The following SNTG1 variants were observed in gnomAD, a reference collection of about 807,000 sequenced individuals.
The protein encoded by SNTG1 is syntrophin gamma 1.
Under a neutral mutation model 74.7 loss-of-function variants are expected in SNTG1, and 39 were observed. That is an observed-to-expected ratio of 0.52 (90% CI 0.40 to 0.68). The LOEUF (loss-of-function observed/expected upper bound fraction) is 0.68. Ranked by LOEUF, SNTG1 falls within the 30% of genes least tolerant of loss-of-function variation. The pLI is 0.00. For missense variants in SNTG1, 685 were observed against 609.5 expected (o/e 1.12, Z -1.30); for synonymous variants, 254 against 217.1 (o/e 1.17, Z -1.49).
intron 5 of SNTG1, among the ~76,000 whole-genome samples, chr8:50,442,680 TAAAAAAAAAAA>T (rs5891365): frequency 3.7e-5 from 3 of 81,196 alleles, no homozygotes; most frequent in African/African-American, 1.5e-4. Flanking sequence ...TGTCTATCAG[TAAAAAAAAAAA>T]AAAAAAAAAA....
At chr8:50,378,405 C>T (rs2092425491) in intron 2 of SNTG1, among the ~76,000 whole-genome samples, 1 of 152,194 alleles carries the variant, frequency 6.6e-6, no homozygotes, top group South Asian at 2.1e-4. Flanking sequence ...CCCTCCTTCT[C>T]TTCGCCTGCA....
chr8:50,541,482 C>A (rs1454933033), intron 11 of SNTG1, among the ~76,000 whole-genome samples: 1 of 151,938 alleles, frequency 6.6e-6, no homozygotes, highest in Non-Finnish European at 1.5e-5. Flanking sequence ...GTTATTTGAT[C>A]ATATTAAGAA....
intron 2 of SNTG1, among the ~76,000 whole-genome samples, chr8:50,353,553 A>T (rs751915371): frequency 6.6e-6 from 1 of 152,178 alleles, no homozygotes; most frequent in Non-Finnish European, 1.5e-5. Flanking sequence ...ACCTTGATTC[A>T]AGTCAATATT....
chr8:50,481,153 CG>C (rs1554541661), intron 8 of SNTG1, among the ~76,000 whole-genome samples: 1 of 152,086 alleles, frequency 6.6e-6, no homozygotes, highest in Non-Finnish European at 1.5e-5. Context: ...GAAGCCGAGG[CG>C]GGTGGATCAT....
At chr8:50,681,583 A>T (rs941113921) in intron 15 of SNTG1, among the ~76,000 whole-genome samples, 6 of 152,132 alleles carry the variant, frequency 3.9e-5, no homozygotes, top group Admixed American at 3.9e-4. Flanking sequence ...CTATTTTTGG[A>T]TTGTGAGAAG....
At chr8:50,706,376 A>G (rs1443467488) in intron 16 of SNTG1, among the ~76,000 whole-genome samples, 1 of 152,162 alleles carries the variant, frequency 6.6e-6, no homozygotes, top group African/African-American at 2.4e-5. Context: ...ATGTAAGTTG[A>G]CAGTTTTGTT....
chr8:50,739,105 C>CT (rs1175391907), intron 17 of SNTG1, among the ~76,000 whole-genome samples: 1 of 150,706 alleles, frequency 6.6e-6, no homozygotes, highest in Non-Finnish European at 1.5e-5. Context: ...GCGAAAGAGA[C>CT]TATCATCAGG....
chr8:50,011,259 A>C (rs1322350178), intron 1 of SNTG1, among the ~76,000 whole-genome samples: 3 of 152,132 alleles, frequency 2.0e-5, no homozygotes, highest in Non-Finnish European at 4.4e-5. Context: ...AAGTTAGGAA[A>C]TGTACCTGAA....
chr8:50,477,185 G>T (rs1375028855), intron 8 of SNTG1, among the ~76,000 whole-genome samples: 1 of 151,904 alleles, frequency 6.6e-6, no homozygotes, highest in Non-Finnish European at 1.5e-5. Context: ...AGTATGGGCT[G>T]TCCATTCTGA....
At chr8:50,042,811 T>TAAATTATTGGATTCTAGTGATCTAAATCC in intron 1 of SNTG1, among the ~76,000 whole-genome samples, 1 of 151,954 alleles carries the variant, frequency 6.6e-6, no homozygotes, top group Admixed American at 6.6e-5. Flanking sequence ...TTGCCCAGGC[T>TAAATTATTGGATTCTAGTGATCTAAATCC]AATCTAAATT....
chr8:50,752,392 A>G (rs2095569775), intron 18 of SNTG1, among the ~76,000 whole-genome samples: 1 of 152,014 alleles, frequency 6.6e-6, no homozygotes, highest in Admixed American at 6.6e-5. Context: ...CATCCTGGGA[A>G]CTAAAGCAGT....
intron 12 of SNTG1, among the ~76,000 whole-genome samples, chr8:50,569,254 G>T (rs2094533184): frequency 6.6e-6 from 1 of 152,090 alleles, no homozygotes; most frequent in Non-Finnish European, 1.5e-5. Flanking sequence ...TAAAGAAAAA[G>T]CACGGATAGC....
intron 11 of SNTG1, among the ~76,000 whole-genome samples, chr8:50,543,597 GA>G (rs1205038050): frequency 6.6e-6 from 1 of 152,046 alleles, no homozygotes; most frequent in African/African-American, 2.4e-5. Context: ...TTCAACCTTT[GA>G]AAACATCTAG....
intron 1 of SNTG1, among the ~76,000 whole-genome samples, chr8:50,061,558 C>T (rs1820473387): frequency 6.6e-6 from 1 of 152,022 alleles, no homozygotes; most frequent in Non-Finnish European, 1.5e-5. Flanking sequence ...TTTCCCTCCC[C>T]ACTACTTTTT....
intron 1 of SNTG1, among the ~76,000 whole-genome samples, chr8:50,045,369 A>G (rs534758564): frequency 1.3e-5 from 2 of 152,312 alleles, no homozygotes; most frequent in Non-Finnish European, 2.9e-5. Context: ...TGCTCAGAGT[A>G]GCAGCAAGAG....
intron 1 of SNTG1, among the ~76,000 whole-genome samples, chr8:50,144,359 C>G (rs963872780): frequency 6.6e-6 from 1 of 152,054 alleles, no homozygotes; most frequent in Admixed American, 6.5e-5. Context: ...ACAGAATAAC[C>G]TAAGGGTGAA....
chr8:50,519,403 A>G (rs112270660), intron 9 of SNTG1, among the ~76,000 whole-genome samples: 2 of 152,140 alleles, frequency 1.3e-5, no homozygotes, highest in African/African-American at 2.4e-5. Context: ...CAAGACAAGG[A>G]TGCCCTCTCT....
chr8:50,490,505 A>G (rs1029237654), intron 8 of SNTG1, among the ~76,000 whole-genome samples: 6 of 152,126 alleles, frequency 3.9e-5, no homozygotes, highest in African/African-American at 1.4e-4. Flanking sequence ...TTGTATTCCT[A>G]GGTATTTTAT....
At chr8:50,121,814 T>C (rs1009812221) in intron 1 of SNTG1, among the ~76,000 whole-genome samples, 1 of 142,296 alleles carries the variant, frequency 7.0e-6, no homozygotes, top group Non-Finnish European at 1.6e-5. Flanking sequence ...TGAGTTATGA[T>C]AGCACCACTG....
Sources: allele counts gnomAD v4.1 joint callset (sites outside exome capture counted in the v4.1 genomes callset), GRCh38; gene constraint gnomAD v4.1.1; transcripts MANE v1.5; gene names NCBI Gene and HGNC (gene_info 2026-07-23, HGNC 2026-07-21).